STS: variants seen among roughly 807,000 people sequenced by gnomAD.
The protein encoded by STS is steroid sulfatase.
A neutral mutation model predicts 26.8 loss-of-function variants in STS; 7 were observed. The observed-to-expected ratio is 0.26, with a 90% CI of 0.15 to 0.49. STS has a LOEUF of 0.49. Among genes scored for constraint, STS ranks in the 20% least tolerant of loss-of-function variants. The probability of loss-of-function intolerance (pLI) is 0.98; values close to 1 mark genes in which losing one functional copy is unlikely to be tolerated. For synonymous variants in STS, 199 were observed against 189.4 expected, an observed-to-expected ratio of 1.05 and a Z score of -0.42; for missense variants, 434 against 465.6, an observed-to-expected ratio of 0.93 and a Z score of 0.63.
At chrX:7,291,568 G>T (rs778673299) in intron 7 of STS, among the ~76,000 whole-genome samples, 1 of 112,040 alleles carries the variant, frequency 8.9e-6, no homozygotes, top group East Asian at 2.8e-4. Context: ...CGTTACCTTA[G>T]TGCCTGCCAT....
chrX:7,175,874 T>G (rs1297226708), intron 1 of STS, among the ~76,000 whole-genome samples: 1 of 111,168 alleles, frequency 9.0e-6, no homozygotes, highest in Non-Finnish European at 1.9e-5. Context: ...CCAAAATACC[T>G]CTTGAATTTA....
At chrX:7,205,647 T>C (rs1472993705) in intron 2 of STS, among the ~76,000 whole-genome samples, 5 of 106,563 alleles carry the variant, frequency 4.7e-5, no homozygotes, top group African/African-American at 1.4e-4. Context: ...TTTTCTTTTT[T>C]TTTTTTTTTG....
chrX:7,353,025 T>C lies in STS; in HGVS notation c.*2764T>C, dbSNP rs1336932972. On this transcript the variant is annotated 3_prime_UTR_variant, in exon 11 of 11. Transcript: ENST00000674429. ...AAGTGAAAGGATTATTTAGAATATG[T>C]TAATGCAAAGCTAAAATAAAATTTT... is the stretch of plus-strand genomic sequence containing the variant. 3 of 111,947 alleles carry C rather than the reference T, an allele frequency of 2.7e-5. No homozygotes were observed. Among genetic ancestry groups the C allele is most frequent in the African/African-American group, 9.7e-5 (3 of 30,812 alleles). The allele number at this position is 111,947 out of a possible 1,213,427, so 9.2% of individuals were successfully genotyped here.
intron 1 of STS, among the ~76,000 whole-genome samples, chrX:7,161,024 C>T (rs1933231261): frequency 9.0e-6 from 1 of 111,514 alleles, no homozygotes; most frequent in African/African-American, 3.3e-5. Flanking sequence ...GGTGCGATCT[C>T]AGCTTACCAC....
Position 7,259,898 on chromosome X carries a change from CAG to C in STS, c.806+129_806+130del, listed in dbSNP as rs1226654826. 19 of 884,948 alleles carry C rather than the reference CAG, an allele frequency of 2.1e-5. No homozygotes were observed. The Admixed American group carries it at 2.5e-4, about 12-fold the overall frequency. The allele number at this position is 884,948 out of a possible 1,213,427, so 72.9% of individuals were successfully genotyped here. ...TTGTGGTTTGTTCGTTTTTTTGAGA[CAG>C]AGTCTTGCTCTGTCGCCCAGGCTGG... On this transcript the variant is annotated intron_variant, in intron 6 of 10. Coordinates refer to ENST00000674429, the MANE Select transcript of STS (RefSeq NM_001320752.2).
intron 2 of STS, among the ~76,000 whole-genome samples, chrX:7,212,248 G>A (rs1359510788): frequency 9.0e-6 from 1 of 111,260 alleles, no homozygotes; most frequent in Non-Finnish European, 1.9e-5. Flanking sequence ...GTGGGAGGAT[G>A]GCTTGAGCTC....
rs114983029 is a variant in STS at position 7,205,277 on chromosome X, T to C, written c.-5+14269T>C. Among the ~76,000 whole-genome samples, 299 of 112,456 alleles carry C rather than the reference T, an allele frequency of 2.7e-3. 3 individuals carry two copies. Among genetic ancestry groups the C allele is most frequent in the African/African-American group, 8.2e-3 (255 of 30,981 alleles). On this transcript the variant is annotated intron_variant, in intron 2 of 10. Coordinates refer to ENST00000674429, the MANE Select transcript of STS (RefSeq NM_001320752.2). ...GTTTCATAGTGAGGAAGAGAAAGAA[T>C]GGGAATGTAATTATTGCAATTATTA... is the stretch of plus-strand genomic sequence containing the variant.
chrX:7,188,069 A>T (rs1933806024), intron 1 of STS, among the ~76,000 whole-genome samples: 1 of 112,111 alleles, frequency 8.9e-6, no homozygotes, highest in Non-Finnish European at 1.9e-5. Flanking sequence ...CTGTGACTAC[A>T]GTTTGGATTA....
chrX:7,293,537 T>G (rs1188010202), intron 7 of STS, among the ~76,000 whole-genome samples: 3 of 111,987 alleles, frequency 2.7e-5, no homozygotes, highest in Non-Finnish European at 1.9e-5. Context: ...GCATTAATGT[T>G]AAATCCTTTG....
At chrX:7,177,575 T>C (rs1305001317) in intron 1 of STS, among the ~76,000 whole-genome samples, 5 of 108,844 alleles carry the variant, frequency 4.6e-5, no homozygotes, top group African/African-American at 1.3e-4. Flanking sequence ...CACCCAGGCA[T>C]GATCTCAGCT....
intron 2 of STS, among the ~76,000 whole-genome samples, chrX:7,247,433 T>G (rs1160843052): frequency 8.9e-6 from 1 of 112,024 alleles, no homozygotes; most frequent in Non-Finnish European, 1.9e-5. Flanking sequence ...TTACTCTGTC[T>G]TCTTTAAAAA....
At chrX:7,347,782 T>C (rs1168285774) in intron 10 of STS, among the ~76,000 whole-genome samples, 11 of 111,865 alleles carry the variant, frequency 9.8e-5, no homozygotes, top group African/African-American at 3.6e-4. Flanking sequence ...CCACTTTCTC[T>C]CTCGGCTGAC....
intron 2 of STS, among the ~76,000 whole-genome samples, chrX:7,221,301 T>C (rs1921556002): frequency 8.9e-6 from 1 of 112,462 alleles, no homozygotes; most frequent in African/African-American, 3.2e-5. Context: ...ATTCCCCATG[T>C]TGGATAAATA....
At chrX:7,221,948 T>C (rs1921586361) in intron 2 of STS, among the ~76,000 whole-genome samples, 2 of 111,515 alleles carry the variant, frequency 1.8e-5, no homozygotes, top group African/African-American at 6.5e-5. Flanking sequence ...TGATGGTATT[T>C]GGCGGTGGGG....
intron 1 of STS, among the ~76,000 whole-genome samples, chrX:7,167,036 A>AC (rs775315078): frequency 1.8e-5 from 2 of 111,208 alleles, no homozygotes; most frequent in South Asian, 7.7e-4. Flanking sequence ...TAAAACAAAT[A>AC]CCCATTGAGG....
At chrX:7,341,037 G>C (rs1928259754) in intron 10 of STS, among the ~76,000 whole-genome samples, 1 of 111,021 alleles carries the variant, frequency 9.0e-6, no homozygotes. Flanking sequence ...AATGACTGTG[G>C]GAGGCTGGCG....
chrX:7,340,664 A>AT (rs1358675881), intron 10 of STS, among the ~76,000 whole-genome samples: 1 of 112,094 alleles, frequency 8.9e-6, no homozygotes, highest in Admixed American at 9.5e-5. Flanking sequence ...ACAAAAAACA[A>AT]TAAAAAAAAA....
At chrX:7,252,401 G>A (rs866905597) in intron 2 of STS, 1 of 463,555 alleles carries the variant, frequency 2.2e-6, no homozygotes, top group African/African-American at 2.6e-5. Context: ...GGGGAACCAA[G>A]CCAGGCCTCT....
At chrX:7,249,226 A>C (rs1923026992) in intron 2 of STS, among the ~76,000 whole-genome samples, 2 of 110,789 alleles carry the variant, frequency 1.8e-5, no homozygotes, top group African/African-American at 6.6e-5. Flanking sequence ...CCTAATTCTC[A>C]GGTTCCAAGC....
Sources: gnomAD v4.1 joint callset for allele counts (sites outside exome capture counted in the v4.1 genomes callset) on GRCh38, gnomAD v4.1.1 for gene constraint, MANE v1.5 for transcripts, NCBI Gene and HGNC (gene_info 2026-07-23, HGNC 2026-07-21) for gene names.